TRHDE: variants seen among roughly 807,000 people sequenced by gnomAD.
TRHDE encodes the protein thyrotropin-releasing hormone-degrading ectoenzyme.
Under a neutral mutation model 125.7 loss-of-function variants are expected in TRHDE, and 72 were observed. That is an observed-to-expected ratio of 0.57 (90% confidence interval 0.47 to 0.70). The LOEUF (loss-of-function observed/expected upper bound fraction) is 0.70. Ranked by LOEUF, TRHDE falls within the 30% of genes least tolerant of loss-of-function variation. The pLI, the probability that TRHDE is intolerant of heterozygous loss-of-function variation, is 0.00. For missense variants in TRHDE, 1,110 were observed against 1,327.1 expected, an observed-to-expected ratio of 0.84 and a Z score of 2.54; for synonymous variants, 509 against 509.1, an observed-to-expected ratio of 1.00 and a Z score of 0.00.
rs757862800 is a variant in TRHDE, at chr12:72,250,060, C to A, written n.280-127935C>A. On this transcript the variant is annotated intron_variant and non_coding_transcript_variant, in intron 2 of 4. Coordinates refer to the TRHDE transcript ENST00000548156. ...AGAAGCCAGATGACAAAAGAATATT[C>A]ACTTTTGCTTTCACTTAAGTAAAAT... Among the ~76,000 whole-genome samples the A allele has an allele frequency of 1.6e-4, 25 of 152,078 alleles. No individual in the cohort carries two copies. In the South Asian group the frequency reaches 1.7e-3, roughly 10 times the overall value.
chr12:72,537,781 T>A (rs1156963859), intron 6 of TRHDE, among the ~76,000 whole-genome samples: 4 of 152,052 alleles, frequency 2.6e-5, no homozygotes, highest in African/African-American at 9.7e-5. Context: ...GTTCAATATT[T>A]TTTGAGAGCC....
chr12:72,580,165 C>T (rs1165298143), intron 12 of TRHDE, among the ~76,000 whole-genome samples: 1 of 151,982 alleles, frequency 6.6e-6, no homozygotes, highest in Non-Finnish European at 1.5e-5. Context: ...TTGAGTTTTC[C>T]AGCGATAATG....
chr12:72,569,553 G>A (rs1870621452), intron 10 of TRHDE, among the ~76,000 whole-genome samples: 1 of 152,094 alleles, frequency 6.6e-6, no homozygotes, highest in African/African-American at 2.4e-5. Flanking sequence ...CTATTATAAG[G>A]GAGGTTTACA....
chr12:72,419,666 C>A (rs953680267), intron 3 of TRHDE, among the ~76,000 whole-genome samples: 1 of 152,118 alleles, frequency 6.6e-6, no homozygotes. Context: ...TCCCACCAGA[C>A]CCCACATCCA....
intron 7 of TRHDE, among the ~76,000 whole-genome samples, chr12:72,544,570 G>T (rs1267970241): frequency 4.8e-5 from 7 of 146,770 alleles, no homozygotes; most frequent in African/African-American, 1.5e-4. Flanking sequence ...TTTCTCTCTT[G>T]CTCTCTTTTC....
intron 7 of TRHDE, among the ~76,000 whole-genome samples, chr12:72,549,137 A>G (rs543553408): frequency 6.6e-5 from 10 of 152,014 alleles, no homozygotes; most frequent in African/African-American, 2.4e-4. Flanking sequence ...AAAAGGAAAT[A>G]TCATTATTAT....
chr12:72,448,396 T>TA lies in TRHDE; in HGVS notation c.1316-21358dup, dbSNP rs537803840. Among the ~76,000 whole-genome samples, 59 of 152,232 alleles carry TA rather than the reference T, an allele frequency of 3.9e-4. No homozygotes were observed. The East Asian group carries it at 6.2e-3, about 16-fold the overall frequency. On this transcript the variant is annotated intron_variant, in intron 3 of 18. Coordinates refer to ENST00000261180, the MANE Select transcript of TRHDE (RefSeq NM_013381.3). ...AAACAAAACCACTATAAATTCATGA[T>TA]AAAACAAATTTACTTCAACTGAAAA...
chr12:72,378,053 A>T lies in TRHDE; in HGVS notation c.1247A>T (p.His416Leu). Residue 416 changes from histidine (H) to leucine (L), a missense_variant, in exon 3 of 19, where the codon CAT becomes CTT. Physicochemically the swap from His to Leu is moderately conservative, Grantham distance 99. Around this residue, in one of 5 missense-constraint regions of TRHDE, gnomAD observed 252 missense variants for 274.8 expected, o/e 0.92. Coordinates refer to ENST00000261180, the MANE Select transcript of TRHDE (RefSeq NM_013381.3). ...IRRGSGDYAL[H>L]ITKRLIEFYE... ...AGAGGATCCGGGGACTATGCTCTCCATATAACAAAGAGATTAATAGAATTT... is the reference window on the plus strand; with the variant it reads ...AGAGGATCCGGGGACTATGCTCTCCTTATAACAAAGAGATTAATAGAATTT... 6 of 1,607,356 alleles carry T rather than the reference A, an allele frequency of 3.7e-6. No homozygotes were observed. The highest frequency in any genetic ancestry group is 5.1e-6 in the Non-Finnish European group (6 of 1,176,106).
At chr12:72,381,917 A>C (rs1872203354) in intron 3 of TRHDE, among the ~76,000 whole-genome samples, 1 of 152,174 alleles carries the variant, frequency 6.6e-6, no homozygotes, top group Admixed American at 6.5e-5. Context: ...GAATTTATAA[A>C]TATGGAATTT....
chr12:72,388,905 C>T (rs915782785), intron 3 of TRHDE, among the ~76,000 whole-genome samples: 2 of 150,614 alleles, frequency 1.3e-5, no homozygotes, highest in Admixed American at 6.7e-5. Flanking sequence ...AGCTCTTCTC[C>T]TCCTTGTTGT....
In TRHDE at chr12:72,422,202, G is replaced by T. The variant is rs116592306; in HGVS notation, c.1315+44081G>T. Among the ~76,000 whole-genome samples the T allele has an allele frequency of 3.2e-3, 487 of 152,216 alleles. 1 individual carries two copies. Among genetic ancestry groups the T allele is most frequent in the African/African-American group, 0.011 (452 of 41,548 alleles). On this transcript the variant is annotated intron_variant, in intron 3 of 18. Transcript: ENST00000261180. Reference sequence around the variant, plus strand: ...TTTATGGTTCTTAGAACAGTGACAAGAGGAGAAAATCTTGCCAATTTTGTG... The same window carrying T: ...TTTATGGTTCTTAGAACAGTGACAATAGGAGAAAATCTTGCCAATTTTGTG...
rs781100277 is a variant in TRHDE at position 72,499,660 on chromosome 12, A to G, written c.1722+25A>G. 7 of 1,609,480 alleles carry G rather than the reference A, an allele frequency of 4.3e-6. No homozygotes were observed. In the Admixed American group the frequency reaches 5.1e-5, roughly 12 times the overall value. On this transcript the variant is annotated intron_variant, in intron 6 of 18. Coordinates refer to ENST00000261180, the MANE Select transcript of TRHDE (RefSeq NM_013381.3). The stretch of plus-strand genomic sequence containing the variant: ...GGTGGGAATAAAGAACAAAGTGCCA[A>G]TTAGATATTTCATTACCAAGATAGC...
At chr12:72,287,744 T>C (rs1465672341) in intron 2 of TRHDE, among the ~76,000 whole-genome samples, 2 of 152,184 alleles carry the variant, frequency 1.3e-5, no homozygotes, top group Non-Finnish European at 2.9e-5. Context: ...AAATTTATAA[T>C]AAAAATCTAT....
chr12:72,388,949 C>G (rs1432373696), intron 3 of TRHDE, among the ~76,000 whole-genome samples: 3 of 151,292 alleles, frequency 2.0e-5, no homozygotes, highest in Admixed American at 1.3e-4. Context: ...GTAGATTTGA[C>G]AAACATCTAT....
In TRHDE at chr12:72,192,188, GACC is replaced by G. The variant is rs536487871; in HGVS notation, n.279+86437_279+86439del. Among the ~76,000 whole-genome samples, 290 of 152,130 alleles carry G rather than the reference GACC, an allele frequency of 1.9e-3. 1 individual carries two copies. Among genetic ancestry groups the G allele is most frequent in the African/African-American group, 6.5e-3 (271 of 41,500 alleles). On this transcript the variant is annotated intron_variant and non_coding_transcript_variant, in intron 2 of 4. Coordinates refer to the TRHDE transcript ENST00000548156. ...GTTCAGGGTCTGCGTGAACCTGGAG[GACC>G]TATTATTTATATTAGTGCTTCTGAA...
chr12:72,383,155 A>G (rs970745934), intron 3 of TRHDE, among the ~76,000 whole-genome samples: 1 of 152,202 alleles, frequency 6.6e-6, no homozygotes, highest in East Asian at 1.9e-4. Context: ...TGTAGCACCT[A>G]CTTAATACAA....
At chr12:72,607,569 A>G (rs1343086077) in intron 12 of TRHDE, among the ~76,000 whole-genome samples, 1 of 152,098 alleles carries the variant, frequency 6.6e-6, no homozygotes, top group Non-Finnish European at 1.5e-5. Context: ...TTCAGTTTCA[A>G]AACTAATGAG....
At chr12:72,275,984 T>A (rs1422466562) in intron 1 of TRHDE, among the ~76,000 whole-genome samples, 1 of 152,178 alleles carries the variant, frequency 6.6e-6, no homozygotes, top group Non-Finnish European at 1.5e-5. Context: ...CCTTCCTCAT[T>A]ATTATTATTA....
intron 3 of TRHDE, among the ~76,000 whole-genome samples, chr12:72,455,934 A>T (rs1875821400): frequency 6.6e-6 from 1 of 152,012 alleles, no homozygotes; most frequent in South Asian, 2.1e-4. Flanking sequence ...ATACTCATAG[A>T]ATTCAACGAG....
Sources: gnomAD v4.1 joint callset for allele counts (sites outside exome capture counted in the v4.1 genomes callset) on GRCh38, gnomAD v4.1.1 for gene constraint, gnomAD v4.1.1 regional missense constraint, MANE v1.5 for transcripts, NCBI Gene and HGNC (gene_info 2026-07-23, HGNC 2026-07-21) for gene names.